The following TTL variants were observed in gnomAD, a reference collection of about 807,000 sequenced individuals.
TTL encodes tubulin tyrosine ligase.
TTL carries 10 observed loss-of-function variants against 41.1 expected under a neutral mutation model. That is an observed-to-expected ratio of 0.24 (90% confidence interval 0.15 to 0.41). TTL has a LOEUF of 0.41. TTL is among the 10% of genes least tolerant of loss of function. The pLI, the probability that TTL is intolerant of heterozygous loss-of-function variation, is 1.00. For synonymous variants in TTL, 175 were observed against 175.5 expected (o/e 1.00, Z 0.02); for missense variants, 367 against 460.4 (o/e 0.80, Z 1.86).
At chr2:112,523,656 C>T (rs1156486425) in intron 6 of TTL, among the ~76,000 whole-genome samples, 1 of 152,174 alleles carries the variant, frequency 6.6e-6, no homozygotes, top group African/African-American at 2.4e-5. Context: ...TGCCTGCCTT[C>T]CCTGCCAGTT....
intron 3 of TTL, among the ~76,000 whole-genome samples, chr2:112,500,282 A>T (rs1681654350): frequency 6.6e-6 from 1 of 151,534 alleles, no homozygotes; most frequent in Non-Finnish European, 1.5e-5. Context: ...CTAAAATTAA[A>T]CTGTAGTAGG....
intron 5 of TTL, among the ~76,000 whole-genome samples, chr2:112,517,524 C>T (rs1418373074): frequency 1.3e-5 from 2 of 151,498 alleles, no homozygotes; most frequent in African/African-American, 2.4e-5. Flanking sequence ...GCTGGGATTA[C>T]GGGCATGAGC....
In TTL at chr2:112,485,911, T is replaced by TC. The variant is rs762487548; in HGVS notation, c.158-4dup. On this transcript the variant is annotated splice_polypyrimidine_tract_variant and splice_region_variant and intron_variant, in intron 1 of 6. Coordinates refer to ENST00000233336, the MANE Select transcript of TTL (RefSeq NM_153712.5). ...GTCCCTTCTGAGCCTCCTCTTTCCTTCCTAGGTCACGAGCCCGGGCTGGTA... is the reference window on the plus strand; with the variant it reads ...GTCCCTTCTGAGCCTCCTCTTTCCTTCCCTAGGTCACGAGCCCGGGCTGGTA... 4.1e-5 allele frequency: 66 copies of TC among 1,613,762 alleles called. 2 individuals are homozygous for TC. The Middle Eastern group carries it at 2.0e-3, about 48-fold the overall frequency.
intron 3 of TTL, among the ~76,000 whole-genome samples, chr2:112,500,728 TTTAATG>T (rs1310845007): frequency 2.0e-5 from 3 of 152,292 alleles, no homozygotes; most frequent in Non-Finnish European, 2.9e-5. Context: ...ATATCAATTA[TTTAATG>T]TTAATGGACA....
intron 2 of TTL, among the ~76,000 whole-genome samples, chr2:112,489,639 T>G (rs1322665581): frequency 6.6e-6 from 1 of 152,232 alleles, no homozygotes; most frequent in Non-Finnish European, 1.5e-5. Context: ...CAGCCAATTT[T>G]CATAATGCTA....
intron 6 of TTL, chr2:112,521,288 G>A (rs1213150604): frequency 9.1e-6 from 9 of 985,240 alleles, no homozygotes; most frequent in Middle Eastern, 5.2e-4. Context: ...TGCTTCTCTC[G>A]GGAGAAGGCT....
Position 112,482,642 on chromosome 2 carries a change from C to T in TTL, c.157+141C>T. ...TTGTCGGGCACATCAGAAACGGATT[C>T]GGAAAGATCGAAACCTGTCGTTTTT... On this transcript the variant is annotated intron_variant, in intron 1 of 6. Transcript: ENST00000233336. The surrounding 1 kb of genome is among the most constrained non-coding windows in gnomAD (Gnocchi z 5.3). The T allele has an allele frequency of 2.1e-6, 2 of 954,728 alleles. No individual in the cohort carries two copies. The highest frequency in any genetic ancestry group is 3.0e-6 in the Non-Finnish European group (2 of 676,496). 59.1% of individuals were successfully genotyped at this position (954,728 alleles called of 1,614,324 possible).
Position 112,535,790 on chromosome 2 carries a change from CA to C in TTL, c.*6996del, listed in dbSNP as rs1558647650. On this transcript the variant is annotated 3_prime_UTR_variant, in exon 7 of 7. Coordinates refer to ENST00000233336, the MANE Select transcript of TTL (RefSeq NM_153712.5). ...CCAACTATATGCTATCTACAAAAAA[CA>C]CACTTCATTTTATTTTTATTTTTAT... 1.3e-5 allele frequency: 2 copies of C among 151,934 alleles called. No individual in the cohort carries two copies. The highest frequency in any genetic ancestry group is 2.9e-5 in the Non-Finnish European group (2 of 67,984). 9.4% of individuals were successfully genotyped at this position (151,934 alleles called of 1,614,324 possible).
At chr2:112,528,595 C>T (rs1682423335) in intron 6 of TTL, 86 bp from the exon 7 acceptor site, 3 of 1,124,948 alleles carry the variant, frequency 2.7e-6, no homozygotes, top group Admixed American at 3.8e-5. Flanking sequence ...CAGAGCAAAA[C>T]CCTGTCTCAA....
At chr2:112,486,404 C>A (rs1213014811) in intron 2 of TTL, among the ~76,000 whole-genome samples, 1 of 152,252 alleles carries the variant, frequency 6.6e-6, no homozygotes, top group Non-Finnish European at 1.5e-5. Context: ...AAGGACCAGG[C>A]CTCTATGCTC....
At chr2:112,497,382 A>T (rs1420991095) in intron 3 of TTL, among the ~76,000 whole-genome samples, 1 of 151,654 alleles carries the variant, frequency 6.6e-6, no homozygotes, top group African/African-American at 2.4e-5. Flanking sequence ...ACTTGGTCAA[A>T]TGATATGAAG....
rs749358190 is a variant in TTL at position 112,528,838 on chromosome 2, GC to G, written c.*44del. ...TGCCTTGGAAAAAGCACGGGGTCCT[GC>G]TCCAGGGAATGGTGAAATGACTGGA... On this transcript the variant is annotated 3_prime_UTR_variant, in exon 7 of 7. Coordinates refer to ENST00000233336, the MANE Select transcript of TTL (RefSeq NM_153712.5). The G allele has an allele frequency of 9.6e-6, 14 of 1,451,714 alleles. No homozygotes were observed. Among genetic ancestry groups the G allele is most frequent in the Non-Finnish European group, 1.4e-5 (14 of 1,032,198 alleles). 89.9% of individuals were successfully genotyped at this position (1,451,714 alleles called of 1,614,324 possible). A position where few individuals can be genotyped will look rare whatever the true frequency, so the allele number is the denominator to read the frequency against.
At chr2:112,497,527 C>A (rs1238719098) in intron 3 of TTL, among the ~76,000 whole-genome samples, 1 of 151,996 alleles carries the variant, frequency 6.6e-6, no homozygotes, top group Non-Finnish European at 1.5e-5. Context: ...TAAAACGATA[C>A]ATAAAATTCA....
At chr2:112,510,581 C>G (rs1474695523) in intron 5 of TTL, among the ~76,000 whole-genome samples, 1 of 152,096 alleles carries the variant, frequency 6.6e-6, no homozygotes, top group Non-Finnish European at 1.5e-5. Context: ...AAGCGATTCT[C>G]CTGCCTCAGC....
intron 4 of TTL, among the ~76,000 whole-genome samples, chr2:112,501,935 A>G (rs550111685): frequency 1.3e-5 from 2 of 152,220 alleles, no homozygotes; most frequent in South Asian, 2.1e-4. Context: ...ATATAAATGT[A>G]TGGTCTTGCT....
chr2:112,520,180 A>G (rs2104473274), intron 5 of TTL, 102 bp from the exon 6 acceptor site: 1 of 1,200,028 alleles, frequency 8.3e-7, no homozygotes, highest in Non-Finnish European at 1.2e-6. Context: ...TGATAAGCTG[A>G]TATTTGTATT....
Position 112,530,436 on chromosome 2 carries a change from T to C in TTL, c.*1641T>C, listed in dbSNP as rs2104481928. 4.4e-6 allele frequency: 1 copy of C among 229,606 alleles called. No individual in the cohort carries two copies. Among genetic ancestry groups the C allele is most frequent in the East Asian group, 6.2e-5 (1 of 16,134 alleles). The allele number at this position is 229,606 out of a possible 1,614,324, so 14.2% of individuals were successfully genotyped here. ...CAGAATACAGATTTAAAAGTTTGCCTGTAGAGCAAAATAAAACAGTCAGTT... is the reference window on the plus strand; with the variant it reads ...CAGAATACAGATTTAAAAGTTTGCCCGTAGAGCAAAATAAAACAGTCAGTT... On this transcript the variant is annotated 3_prime_UTR_variant, in exon 7 of 7. Transcript: ENST00000233336.
In TTL at chr2:112,486,022, T is replaced by A. The variant is rs369154648; in HGVS notation, c.236+27T>A. On this transcript the variant is annotated intron_variant, in intron 2 of 6. Transcript: ENST00000233336. ...TAAGTGTTAAGACCGCTGTTTTCCATTTTTTACCTAAATGAAGCACTTAGG... is the reference window on the plus strand; with the variant it reads ...TAAGTGTTAAGACCGCTGTTTTCCAATTTTTACCTAAATGAAGCACTTAGG... The A allele has an allele frequency of 1.1e-3, 1,820 of 1,608,662 alleles. 2 individuals are homozygous for A. Among genetic ancestry groups the A allele is most frequent in the Non-Finnish European group, 1.4e-3 (1,635 of 1,177,152 alleles).
chr2:112,525,532 A>G (rs1156310983), intron 6 of TTL, among the ~76,000 whole-genome samples: 2 of 151,986 alleles, frequency 1.3e-5, no homozygotes, highest in South Asian at 2.1e-4. Context: ...GATTATTGGT[A>G]TTTTATTCTC....
Sources: allele counts gnomAD v4.1 joint callset (sites outside exome capture counted in the v4.1 genomes callset), GRCh38; gene constraint gnomAD v4.1.1; non-coding constraint Gnocchi (gnomAD v3.1); transcripts MANE v1.5; gene names NCBI Gene and HGNC (gene_info 2026-07-23, HGNC 2026-07-21).